Variants in CR1L observed in about 807,000 individuals in gnomAD.
CR1L encodes the protein complement C3b/C4b receptor 1 like.
A neutral mutation model predicts 62.3 loss-of-function variants in CR1L; 59 were observed. The ratio of observed to expected loss-of-function variants is 0.95; its 90% CI spans 0.77 to 1.18. CR1L has a LOEUF of 1.18. Ranked by LOEUF, CR1L falls within the 50% of genes most tolerant of loss-of-function variation. The pLI is 0.00. For synonymous variants in CR1L, 279 were observed against 248.7 expected (o/e 1.12, Z -1.15); for missense variants, 700 against 702.8 (o/e 1.00, Z 0.04).
At chr1:207,723,596 G>A (rs1306867919) in intron 11 of CR1L, 22 bp from the exon 12 acceptor site, 1 of 1,571,860 alleles carries the variant, frequency 6.4e-7, no homozygotes, top group Non-Finnish European at 8.7e-7. Flanking sequence ...TGATGTTTTT[G>A]TGACTTTTGT....
intron 3 of CR1L, among the ~76,000 whole-genome samples, chr1:207,682,123 T>G (rs1663809811): frequency 6.6e-6 from 1 of 152,100 alleles, no homozygotes; most frequent in African/African-American, 2.4e-5. Flanking sequence ...TCTGCACATG[T>G]ACCCCAGAAC....
chr1:207,711,874 G>C (rs1230523838), intron 10 of CR1L, among the ~76,000 whole-genome samples: 2 of 151,430 alleles, frequency 1.3e-5, no homozygotes, highest in East Asian at 1.9e-4. Flanking sequence ...GCTCCAGCCT[G>C]GATGACAGAG....
At chr1:207,710,784 G>C (rs1664344278) in intron 10 of CR1L, 2 of 1,597,390 alleles carry the variant, frequency 1.3e-6, no homozygotes, top group Middle Eastern at 2.3e-4. Flanking sequence ...CTGCTCCAGG[G>C]GTGTGTTTGC....
chr1:207,708,011 T>C (rs1158716334), intron 9 of CR1L, among the ~76,000 whole-genome samples, 167 bp from the exon 10 acceptor site: 1 of 152,150 alleles, frequency 6.6e-6, no homozygotes, highest in Non-Finnish European at 1.5e-5. Context: ...CTCTTTTCAA[T>C]AGTGAGAGCA....
chr1:207,695,120 A>G (rs900771339), intron 5 of CR1L, among the ~76,000 whole-genome samples: 1 of 151,988 alleles, frequency 6.6e-6, no homozygotes, highest in African/African-American at 2.4e-5. Flanking sequence ...CAGTTTTTCT[A>G]GGTTTGTCTG....
At chr1:207,665,478 C>T (rs1432685104) in intron 1 of CR1L, among the ~76,000 whole-genome samples, 2 of 151,452 alleles carry the variant, frequency 1.3e-5, no homozygotes, top group South Asian at 2.1e-4. Context: ...CTCACTGCAA[C>T]CTCCATCTCC....
chr1:207,704,683 G>A (rs1361342237), intron 9 of CR1L, among the ~76,000 whole-genome samples: 1 of 152,194 alleles, frequency 6.6e-6, no homozygotes, highest in Non-Finnish European at 1.5e-5. Flanking sequence ...CAAAAAGATT[G>A]TGACTTATTG....
intron 10 of CR1L, among the ~76,000 whole-genome samples, chr1:207,716,812 T>C (rs1654009618): frequency 6.6e-6 from 1 of 152,144 alleles, no homozygotes; most frequent in Non-Finnish European, 1.5e-5. Context: ...TCATATCAAA[T>C]TAGAAGCATC....
intron 9 of CR1L, among the ~76,000 whole-genome samples, chr1:207,707,244 C>T (rs1447114738): frequency 6.6e-6 from 1 of 152,068 alleles, no homozygotes; most frequent in Non-Finnish European, 1.5e-5. Context: ...GGAAATAAGC[C>T]CCATCATGTT....
At chr1:207,704,712 G>C (rs1664243951) in intron 9 of CR1L, among the ~76,000 whole-genome samples, 1 of 152,154 alleles carries the variant, frequency 6.6e-6, no homozygotes, top group Non-Finnish European at 1.5e-5. Context: ...ATAATCTTTA[G>C]CATTTTTTAC....
chr1:207,716,845 G>C (rs1053677821), intron 10 of CR1L, among the ~76,000 whole-genome samples: 6 of 152,140 alleles, frequency 3.9e-5, no homozygotes, highest in African/African-American at 1.4e-4. Flanking sequence ...GGAAGGAACT[G>C]TTCTAAACAG....
In CR1L at chr1:207,677,394, T is replaced by C. The variant is rs377664418; in HGVS notation, c.103T>C (p.Cys35Arg). Reference sequence around the variant, plus strand: ...GCTGTGGTCTTGATCCCCAGATCAATGCAATGTCCCGGAATGGCTTCCATT... The same window carrying C: ...GCTGTGGTCTTGATCCCCAGATCAACGCAATGTCCCGGAATGGCTTCCATT... ...VLLLSSFSDQ[C>R]NVPEWLPFAR... The change falls in exon 2 of 12, where the codon TGC becomes CGC. Residue 35 changes from cysteine (C) to arginine (R), a missense_variant. By Grantham distance (180) the Cys-to-Arg change is radical. Coordinates refer to ENST00000508064, the MANE Select transcript of CR1L (RefSeq NM_175710.2). 1 of 1,598,722 alleles carries C rather than the reference T, an allele frequency of 6.3e-7. No homozygotes were observed. The highest frequency in any genetic ancestry group is 8.5e-7 in the Non-Finnish European group (1 of 1,171,914).
At chr1:207,670,444 A>G (rs1236750725) in intron 1 of CR1L, among the ~76,000 whole-genome samples, 1 of 150,954 alleles carries the variant, frequency 6.6e-6, no homozygotes, top group Non-Finnish European at 1.5e-5. Context: ...CCTTTTTTTA[A>G]CTTCAAGTAG....
At chr1:207,653,756 T>A (rs1194509574) in intron 1 of CR1L, among the ~76,000 whole-genome samples, 1 of 152,202 alleles carries the variant, frequency 6.6e-6, no homozygotes, top group East Asian at 1.9e-4. Flanking sequence ...TTAAGTGAAA[T>A]GTGCTTTTAG....
chr1:207,690,643 A>G (rs1571522286), intron 4 of CR1L, among the ~76,000 whole-genome samples: 1 of 152,344 alleles, frequency 6.6e-6, no homozygotes, highest in East Asian at 1.9e-4. Context: ...AAATTACCAC[A>G]AACTTGGTGG....
chr1:207,659,809 C>A (rs1313496801), intron 1 of CR1L, among the ~76,000 whole-genome samples: 1 of 152,236 alleles, frequency 6.6e-6, no homozygotes, highest in Non-Finnish European at 1.5e-5. Flanking sequence ...AAATACTGTG[C>A]TTTTCCCACA....
At chr1:207,709,423 G>C (rs148133906) in intron 10 of CR1L, among the ~76,000 whole-genome samples, 462 of 152,016 alleles carry the variant, frequency 3.0e-3, no homozygotes, top group Non-Finnish European at 5.4e-3. Context: ...ATGCTATGCT[G>C]TATGCTTTAT....
chr1:207,699,559 T>C lies in CR1L; in HGVS notation c.1228+285T>C, dbSNP rs148884055. On this transcript the variant is annotated intron_variant, in intron 8 of 11. Transcript: ENST00000508064. The stretch of plus-strand genomic sequence containing the variant: ...TTAGATAATGTGAAGCTTTTACAAT[T>C]TGCTTTCTTTCTCTACTTCTTTTCT... Among the ~76,000 whole-genome samples, 959 of 152,314 alleles carry C rather than the reference T, an allele frequency of 6.3e-3. 6 individuals carry two copies. Among genetic ancestry groups the C allele is most frequent in the African/African-American group, 0.022 (895 of 41,578 alleles).
chr1:207,691,206 C>T (rs528131963), intron 4 of CR1L, among the ~76,000 whole-genome samples: 1 of 152,192 alleles, frequency 6.6e-6, no homozygotes, highest in Admixed American at 6.5e-5. Context: ...TTTGTTTATT[C>T]TTTCTGCTGA....
Sources: allele counts gnomAD v4.1 joint callset (sites outside exome capture counted in the v4.1 genomes callset), GRCh38; gene constraint gnomAD v4.1.1; transcripts MANE v1.5; gene names NCBI Gene and HGNC (gene_info 2026-07-23, HGNC 2026-07-21).